Variants in MGST1 observed in about 807,000 individuals in gnomAD.
The protein encoded by MGST1 is glutathione S-transferase 12.
In MGST1, 5 loss-of-function variants were observed where a neutral mutation model predicts 8.9. The ratio of observed to expected loss-of-function variants is 0.56; its 90% CI spans 0.29 to 1.19. MGST1 has a LOEUF of 1.19. Ranked by LOEUF, MGST1 falls within the 50% of genes most tolerant of loss-of-function variation. The pLI is 0.08. For synonymous variants in MGST1, 54 were observed against 67.8 expected, an observed-to-expected ratio of 0.80 and a Z score of 1.00; for missense variants, 182 against 187.4, an observed-to-expected ratio of 0.97 and a Z score of 0.17.
chr12:16,425,949 C>T (rs189794525), intron 1 of MGST1, among the ~76,000 whole-genome samples: 1 of 152,060 alleles, frequency 6.6e-6, no homozygotes, highest in African/African-American at 2.4e-5. Flanking sequence ...TGTTTTTTTC[C>T]ATTCCATGTT....
chr12:16,385,902 A>G (rs141609293), intron 1 of MGST1, among the ~76,000 whole-genome samples: 109 of 152,218 alleles, frequency 7.2e-4, no homozygotes, highest in African/African-American at 2.4e-3. Context: ...TTGACAGCCA[A>G]CTAGAGAGTA....
At chr12:16,504,799 A>T (rs1941526908) in intron 4 of MGST1, among the ~76,000 whole-genome samples, 1 of 152,140 alleles carries the variant, frequency 6.6e-6, no homozygotes, top group Non-Finnish European at 1.5e-5. Flanking sequence ...CCCCTAAATA[A>T]TCCCCACAAA....
chr12:16,572,334 A>G (rs1942840860), intron 4 of MGST1, among the ~76,000 whole-genome samples: 1 of 142,866 alleles, frequency 7.0e-6, no homozygotes, highest in African/African-American at 2.6e-5. Context: ...ATAGTGGTCC[A>G]AACTCTTTTT....
chr12:16,379,484 C>T (rs1231861544), downstream of MGST1, among the ~76,000 whole-genome samples: 1 of 152,168 alleles, frequency 6.6e-6, no homozygotes, highest in Non-Finnish European at 1.5e-5. Context: ...AGCCTTGCAT[C>T]CCAGGGATGA....
Position 16,347,808 on chromosome 12 carries a change from C to G in MGST1, c.-23+98C>G, listed in dbSNP as rs941793509. 6.6e-6 allele frequency: 1 copy of G among 152,304 alleles called. No individual in the cohort carries two copies. Among genetic ancestry groups the G allele is most frequent in the East Asian group, 1.9e-4 (1 of 5,194 alleles). The allele number at this position is 152,304 out of a possible 1,614,324, so 9.4% of individuals were successfully genotyped here. A position where few individuals can be genotyped will look rare whatever the true frequency, so the allele number is the denominator to read the frequency against. ...ATGGAAGACTTGGGGGGGTCTCTGC[C>G]AGCTGGAAGTGCTTGGCTCCACTTA... On this transcript the variant is annotated intron_variant, in intron 1 of 3. Transcript: ENST00000396210. This position sits in a 1 kb window ranked among gnomAD's most constrained non-coding sequence, Gnocchi z 4.0.
At chr12:16,486,695 TGGC>T (rs1299568819) in intron 4 of MGST1, among the ~76,000 whole-genome samples, 1 of 152,236 alleles carries the variant, frequency 6.6e-6, no homozygotes, top group Non-Finnish European at 1.5e-5. Flanking sequence ...CTGTGAAAAC[TGGC>T]CAGAGCCTAG....
Position 16,422,014 on chromosome 12 carries a change from C to G in MGST1, n.779-15374C>G, listed in dbSNP as rs1054560087. ...TTGGCAGCAGTGTCGCTGGTTAGATCAGCCTCATGCAGTGAGCATTCATGC... is the reference window on the plus strand; with the variant it reads ...TTGGCAGCAGTGTCGCTGGTTAGATGAGCCTCATGCAGTGAGCATTCATGC... On this transcript the variant is annotated intron_variant and non_coding_transcript_variant, in intron 1 of 1. Transcript: ENST00000359720. Among the ~76,000 whole-genome samples, 22 of 152,276 alleles carry G rather than the reference C, an allele frequency of 1.4e-4. 1 individual carries two copies. The highest frequency in any genetic ancestry group is 9.8e-4 in the Admixed American group (15 of 15,286).
rs951956409 is a variant in MGST1 at position 16,503,707 on chromosome 12, G to A, written n.483-85821G>A. Among the ~76,000 whole-genome samples the A allele has an allele frequency of 3.9e-5, 6 of 152,076 alleles. No homozygotes were observed. The highest frequency in any genetic ancestry group is 1.9e-4 in the East Asian group (1 of 5,174). On this transcript the variant is annotated intron_variant and non_coding_transcript_variant, in intron 4 of 4. Transcript: ENST00000538857. The surrounding 1 kb of genome is among the most constrained non-coding windows in gnomAD (Gnocchi z 4.8). The stretch of plus-strand genomic sequence containing the variant: ...CATAAGACATGTCCAACAGTGTGCC[G>A]GGTCAGTTTATCATTGCCGTGGTAA...
intron 4 of MGST1, among the ~76,000 whole-genome samples, chr12:16,456,362 C>T (rs1941172280): frequency 6.6e-6 from 1 of 151,774 alleles, no homozygotes; most frequent in Admixed American, 6.6e-5. Context: ...CATTAGTTGT[C>T]AGAAGCTGAA....
intron 4 of MGST1, among the ~76,000 whole-genome samples, chr12:16,561,606 A>G (rs2137343221): frequency 6.6e-6 from 1 of 152,344 alleles, no homozygotes; most frequent in East Asian, 1.9e-4. Flanking sequence ...CTTTCATTTT[A>G]TTGAATTTAA....
intron 4 of MGST1, among the ~76,000 whole-genome samples, chr12:16,463,939 A>G (rs1044026558): frequency 2.0e-5 from 3 of 152,226 alleles, no homozygotes; most frequent in African/African-American, 7.2e-5. Flanking sequence ...GTCATAACGT[A>G]TATGACTGGC....
chr12:16,550,993 A>C, intron 4 of MGST1: 3 of 424,434 alleles, frequency 7.1e-6, no homozygotes, highest in Non-Finnish European at 8.5e-6. Context: ...CAAGCAAAAA[A>C]ATCCAGCCAT....
chr12:16,354,463 T>C (rs1487611998), intron 2 of MGST1, 85 bp downstream of exon 2: 10 of 1,409,398 alleles, frequency 7.1e-6, no homozygotes, highest in Non-Finnish European at 9.7e-6. Flanking sequence ...TTTTTATTTT[T>C]GGTAAAGCCC....
At chr12:16,366,201 C>T (rs918601048), downstream of MGST1, among the ~76,000 whole-genome samples, 5 of 152,154 alleles carry the variant, frequency 3.3e-5, no homozygotes, top group Non-Finnish European at 1.5e-5. This position sits in a 1 kb window ranked among gnomAD's most constrained non-coding sequence, Gnocchi z 4.0. Flanking sequence ...ATGAGCAGAA[C>T]ACACGTAAGG....
At chr12:16,390,636 A>T (rs992068359) in intron 1 of MGST1, among the ~76,000 whole-genome samples, 6 of 152,140 alleles carry the variant, frequency 3.9e-5, no homozygotes, top group South Asian at 2.1e-4. Flanking sequence ...TCTTGTTCTT[A>T]TTCCTTTTTA....
intron 4 of MGST1, among the ~76,000 whole-genome samples, chr12:16,536,338 A>C (rs1453030879): frequency 6.6e-6 from 1 of 152,146 alleles, no homozygotes; most frequent in Non-Finnish European, 1.5e-5. Flanking sequence ...GTATGAAAAA[A>C]CTACGTGGAT....
chr12:16,364,138 C>T lies in MGST1; in HGVS notation c.*97C>T. 2 of 1,452,798 alleles carry T rather than the reference C, an allele frequency of 1.4e-6. No homozygotes were observed. Among genetic ancestry groups the T allele is most frequent in the Non-Finnish European group, 1.8e-6 (2 of 1,099,774 alleles). 90.0% of individuals were successfully genotyped at this position (1,452,798 alleles called of 1,614,324 possible). On this transcript the variant is annotated 3_prime_UTR_variant, in exon 4 of 4. Coordinates refer to ENST00000396210, the MANE Select transcript of MGST1 (RefSeq NM_020300.5). This position sits in a 1 kb window ranked among gnomAD's most constrained non-coding sequence, Gnocchi z 5.7. ...TCTTAGATTTTAGGTAGGAGGGGAGCAGAGGAATTATGAACTGGGGTAAAC... is the reference window on the plus strand; with the variant it reads ...TCTTAGATTTTAGGTAGGAGGGGAGTAGAGGAATTATGAACTGGGGTAAAC...
chr12:16,365,810 G>C (rs188539011), downstream of MGST1, among the ~76,000 whole-genome samples: 9 of 152,304 alleles, frequency 5.9e-5, no homozygotes, highest in African/African-American at 2.2e-4. Context: ...TGTCTGATCT[G>C]CAGTTTCCTC....
At chr12:16,384,597 G>A (rs1209766177) in intron 1 of MGST1, among the ~76,000 whole-genome samples, 2 of 152,192 alleles carry the variant, frequency 1.3e-5, no homozygotes, top group African/African-American at 4.8e-5. Context: ...CTCCTGAACT[G>A]GGAGATAATA....
Sources: allele counts gnomAD v4.1 joint callset (sites outside exome capture counted in the v4.1 genomes callset), GRCh38; gene constraint gnomAD v4.1.1; non-coding constraint Gnocchi (gnomAD v3.1); transcripts MANE v1.5; gene names NCBI Gene and HGNC (gene_info 2026-07-23, HGNC 2026-07-21).